Variants in RELN observed in about 807,000 individuals in gnomAD.
RELN encodes the protein reelin.
RELN carries 108 observed loss-of-function variants against 427.6 expected under a neutral mutation model. The ratio of observed to expected loss-of-function variants is 0.25; its 90% CI spans 0.22 to 0.30. The LOEUF (loss-of-function observed/expected upper bound fraction) is 0.30, where lower values mean the gene tolerates loss of function less well. RELN is among the 10% of genes least tolerant of loss of function. The pLI is 1.00. For synonymous variants in RELN, 1,524 were observed against 1,513.4 expected (o/e 1.01, Z -0.16); for missense variants, 3,715 against 4,302.8 (o/e 0.86, Z 3.82).
At chr7:103,873,956 A>C (rs575593345) in intron 2 of RELN, among the ~76,000 whole-genome samples, 3 of 142,076 alleles carry the variant, frequency 2.1e-5, no homozygotes, top group African/African-American at 7.5e-5. Flanking sequence ...AAAAATCCTC[A>C]ATAAAATACT....
At chr7:103,630,507 C>T (rs1242776644) in intron 19 of RELN, among the ~76,000 whole-genome samples, 1 of 152,218 alleles carries the variant, frequency 6.6e-6, no homozygotes, top group Non-Finnish European at 1.5e-5. Flanking sequence ...AACCAGGACA[C>T]TTCCTCATTC....
intron 2 of RELN, among the ~76,000 whole-genome samples, chr7:103,890,767 G>A (rs1157201623): frequency 6.6e-6 from 1 of 152,136 alleles, no homozygotes; most frequent in Non-Finnish European, 1.5e-5. Flanking sequence ...CACAAAGTGG[G>A]TAGCAGCAAT....
At chr7:103,828,231 C>G (rs912453225) in intron 3 of RELN, among the ~76,000 whole-genome samples, 2 of 152,022 alleles carry the variant, frequency 1.3e-5, no homozygotes, top group East Asian at 1.9e-4. Flanking sequence ...CTTCAAATCT[C>G]TGCATCTGTA....
At chr7:103,741,226 T>C (rs545755033) in intron 6 of RELN, among the ~76,000 whole-genome samples, 26 of 152,168 alleles carry the variant, frequency 1.7e-4, no homozygotes, top group Non-Finnish European at 2.9e-4. Context: ...AAATATTTCA[T>C]GGGGATATCT....
At chr7:103,921,521 C>G (rs1207733025) in intron 1 of RELN, among the ~76,000 whole-genome samples, 4 of 152,082 alleles carry the variant, frequency 2.6e-5, no homozygotes, top group Non-Finnish European at 4.4e-5. Flanking sequence ...TCAATATTAT[C>G]GATTTCATAC....
At chr7:103,663,849 C>T (rs189578682) in intron 11 of RELN, among the ~76,000 whole-genome samples, 207 of 152,282 alleles carry the variant, frequency 1.4e-3, no homozygotes, top group African/African-American at 4.1e-3. Flanking sequence ...GAGAGGTTTT[C>T]AGGTTTAGAT....
At position 103,561,288 on chromosome 7, in the gene RELN, T is replaced by C. The variant is rs2535769; in HGVS notation, c.5529+244A>G. 0.45 allele frequency among the ~76,000 whole-genome samples: 68,396 copies of C among 152,058 alleles called. 15,374 individuals are homozygous for C. Among genetic ancestry groups the C allele is most frequent in the East Asian group, 0.52 (2,679 of 5,164 alleles). ...AACTATCTACATATAAATTTATGTA[T>C]ATAATTCCAGCAGGAAGTAAGGAAG... On this transcript the variant is annotated intron_variant, in intron 36 of 64. Coordinates refer to ENST00000428762, the MANE Select transcript of RELN (RefSeq NM_005045.4).
intron 41 of RELN, among the ~76,000 whole-genome samples, chr7:103,545,734 C>T (rs148640383): frequency 0.02 from 3,070 of 152,156 alleles, 48 homozygotes; most frequent in Non-Finnish European, 0.03. Flanking sequence ...CTCCATCTCC[C>T]GGGTTCAAGC....
chr7:103,835,292 A>G (rs1167133016), intron 2 of RELN, among the ~76,000 whole-genome samples: 1 of 152,230 alleles, frequency 6.6e-6, no homozygotes, highest in African/African-American at 2.4e-5. Flanking sequence ...GGAGTTAAAG[A>G]GGGAGGTAGG....
intron 47 of RELN, among the ~76,000 whole-genome samples, chr7:103,522,582 C>G (rs1380472380): frequency 6.6e-6 from 1 of 152,140 alleles, no homozygotes; most frequent in Admixed American, 6.5e-5. Flanking sequence ...CTTTGAGCCA[C>G]TTAGGAATCC....
chr7:103,833,737 A>G, intron 2 of RELN, 65 bp from the exon 3 acceptor site: 1 of 1,465,624 alleles, frequency 6.8e-7, no homozygotes, highest in Non-Finnish European at 9.4e-7. Context: ...TCATGGCATC[A>G]CAGTATTTTC....
intron 4 of RELN, among the ~76,000 whole-genome samples, chr7:103,766,851 G>GTT (rs1791436048): frequency 6.6e-6 from 1 of 152,222 alleles, no homozygotes; most frequent in South Asian, 2.1e-4. Flanking sequence ...TGCGCCAGCT[G>GTT]TAAGCCTGAC....
intron 6 of RELN, among the ~76,000 whole-genome samples, chr7:103,731,487 T>A (rs1014836244): frequency 2.0e-5 from 3 of 151,130 alleles, no homozygotes; most frequent in African/African-American, 7.3e-5. Context: ...ATCCTCTCCT[T>A]CTATTTTTTT....
At chr7:103,698,531 T>A in intron 9 of RELN, among the ~76,000 whole-genome samples, 1 of 152,168 alleles carries the variant, frequency 6.6e-6, no homozygotes, top group South Asian at 2.1e-4. Context: ...TTTGTTTTTT[T>A]GAGACAGGGT....
intron 8 of RELN, among the ~76,000 whole-genome samples, chr7:103,721,687 T>C (rs998990495): frequency 6.6e-6 from 1 of 152,196 alleles, no homozygotes; most frequent in African/African-American, 2.4e-5. Flanking sequence ...GAGACATATA[T>C]TTTAAAATTG....
intron 19 of RELN, among the ~76,000 whole-genome samples, chr7:103,633,969 T>A (rs1832524713): frequency 6.6e-6 from 1 of 152,160 alleles, no homozygotes. Flanking sequence ...AAATACCCAA[T>A]ACAGCTGGTG....
intron 1 of RELN, among the ~76,000 whole-genome samples, chr7:103,975,797 T>C (rs9918509): frequency 0.73 from 108,959 of 149,750 alleles, 40,871 homozygotes; most frequent in African/African-American, 0.92. Context: ...CCGCCCACCT[T>C]GGCATCCCAA....
At chr7:103,841,446 T>A (rs1046084246) in intron 2 of RELN, among the ~76,000 whole-genome samples, 3 of 152,176 alleles carry the variant, frequency 2.0e-5, no homozygotes, top group Non-Finnish European at 2.9e-5. Context: ...GTTTCCTTTA[T>A]CCACATTATA....
chr7:103,681,994 G>A (rs530866341), intron 11 of RELN, 122 bp downstream of exon 11: 30 of 982,104 alleles, frequency 3.1e-5, no homozygotes, highest in South Asian at 1.6e-4. Flanking sequence ...GCTTGTCTAC[G>A]ATAAGAATCA....
Sources: allele counts gnomAD v4.1 joint callset (sites outside exome capture counted in the v4.1 genomes callset), GRCh38; gene constraint gnomAD v4.1.1; transcripts MANE v1.5; gene names NCBI Gene and HGNC (gene_info 2026-07-23, HGNC 2026-07-21).